MAEL: variants seen among roughly 807,000 people sequenced by gnomAD.
MAEL encodes the protein protein maelstrom homolog.
In MAEL, 46 loss-of-function variants were observed where a neutral mutation model predicts 62.0. That is an observed-to-expected ratio of 0.74 (90% CI 0.59 to 0.95). The LOEUF (loss-of-function observed/expected upper bound fraction) is 0.95, where lower values mean the gene tolerates loss of function less well. Ranked by LOEUF, MAEL falls within the 40% of genes least tolerant of loss-of-function variation. The pLI is 0.00. For missense variants in MAEL, 497 were observed against 526.8 expected, an observed-to-expected ratio of 0.94 and a Z score of 0.55; for synonymous variants, 172 against 175.5, an observed-to-expected ratio of 0.98 and a Z score of 0.16.
intron 1 of MAEL, among the ~76,000 whole-genome samples, chr1:166,982,719 A>G (rs1298865542): frequency 6.6e-6 from 1 of 152,092 alleles, no homozygotes; most frequent in East Asian, 1.9e-4. Context: ...TTAGACAAAA[A>G]TCTAAAGTCC....
chr1:167,008,077 A>C (rs2102107255), intron 8 of MAEL, among the ~76,000 whole-genome samples: 1 of 152,300 alleles, frequency 6.6e-6, no homozygotes, highest in Admixed American at 6.5e-5. Flanking sequence ...CTTCATTAAA[A>C]AAAGCTTGTT....
chr1:166,992,478 T>C (rs985567397), intron 3 of MAEL, among the ~76,000 whole-genome samples: 14 of 152,220 alleles, frequency 9.2e-5, no homozygotes, highest in Non-Finnish European at 1.8e-4. Flanking sequence ...GAGTGGTTAC[T>C]TTAATCCTTG....
At chr1:167,001,108 C>T (rs898921815) in intron 5 of MAEL, among the ~76,000 whole-genome samples, 7 of 152,094 alleles carry the variant, frequency 4.6e-5, no homozygotes, top group African/African-American at 1.2e-4. Context: ...TGATGGCATT[C>T]GCAGCAACCT....
chr1:167,004,156 A>C, intron 5 of MAEL, 24 bp from the exon 6 acceptor site: 1 of 1,594,966 alleles, frequency 6.3e-7, no homozygotes, highest in African/African-American at 1.3e-5. Flanking sequence ...CAAAGTTTGA[A>C]CTTCTCCTTT....
At chr1:166,998,372 G>C (rs1310874525) in intron 5 of MAEL, among the ~76,000 whole-genome samples, 1 of 151,942 alleles carries the variant, frequency 6.6e-6, no homozygotes, top group Non-Finnish European at 1.5e-5. Context: ...GCCTTTTGTT[G>C]CTGTTACAAA....
intron 4 of MAEL, among the ~76,000 whole-genome samples, chr1:166,993,490 G>GT (rs139395338): frequency 6.6e-6 from 1 of 152,238 alleles, no homozygotes; most frequent in Non-Finnish European, 1.5e-5. Context: ...TTCATTTTTA[G>GT]TTTTGTCAAT....
intron 1 of MAEL, among the ~76,000 whole-genome samples, chr1:166,982,423 A>G: frequency 6.6e-6 from 1 of 152,194 alleles, no homozygotes; most frequent in East Asian, 1.9e-4. Flanking sequence ...AAGGGGAGAT[A>G]AGATAACCCT....
At chr1:167,003,918 G>C (rs1664780424) in intron 5 of MAEL, among the ~76,000 whole-genome samples, 1 of 152,104 alleles carries the variant, frequency 6.6e-6, no homozygotes, top group African/African-American at 2.4e-5. Context: ...TGACTCAACT[G>C]TTTACCAATT....
chr1:167,009,511 C>G (rs6696203), intron 8 of MAEL, among the ~76,000 whole-genome samples: 59,255 of 151,274 alleles, frequency 0.39, 12,728 homozygotes, highest in African/African-American at 0.59. Flanking sequence ...GGCTATTTCT[C>G]TGAGTTTATA....
intron 8 of MAEL, among the ~76,000 whole-genome samples, chr1:167,007,947 A>T (rs529556433): frequency 2.0e-5 from 3 of 152,200 alleles, no homozygotes; most frequent in Admixed American, 6.5e-5. Flanking sequence ...TTTGAAATAT[A>T]TTAATAGTTA....
intron 2 of MAEL, 55 bp downstream of exon 2, chr1:166,989,884 A>G: frequency 7.1e-7 from 1 of 1,410,642 alleles, no homozygotes; most frequent in East Asian, 2.3e-5. Flanking sequence ...CATATTCAGT[A>G]AAGGCTGGAT....
At chr1:166,998,827 CT>C (rs1218570543) in intron 5 of MAEL, among the ~76,000 whole-genome samples, 2 of 152,162 alleles carry the variant, frequency 1.3e-5, no homozygotes, top group Non-Finnish European at 2.9e-5. Context: ...TTACTTTTCT[CT>C]GTGTCACATT....
At chr1:166,988,012 A>G (rs10918606), upstream of MAEL, among the ~76,000 whole-genome samples, 39,809 of 152,104 alleles carry the variant, frequency 0.26, 5,586 homozygotes, top group African/African-American at 0.36. Flanking sequence ...GTTTATACTA[A>G]GAATGGTAGG....
In MAEL at chr1:167,017,979, G is replaced by C; in HGVS notation, c.1041+20G>C. The C allele has an allele frequency of 6.2e-7, 1 of 1,611,180 alleles. No individual in the cohort carries two copies. The highest frequency in any genetic ancestry group is 1.1e-5 in the South Asian group (1 of 90,596). ...TACCAGGTAAGGAACTGACTTTTAA[G>C]AGCTGCTGGTCTCTTTAGCTGTTCT... On this transcript the variant is annotated intron_variant, in intron 10 of 11. Coordinates refer to ENST00000367872, the MANE Select transcript of MAEL (RefSeq NM_032858.3).
At chr1:166,982,738 G>A (rs1357996017) in intron 1 of MAEL, among the ~76,000 whole-genome samples, 2 of 151,884 alleles carry the variant, frequency 1.3e-5, no homozygotes, top group African/African-American at 4.8e-5. Context: ...CCTTATGGAG[G>A]CCCTGTAAAT....
At chr1:166,996,589 G>A (rs1004972966) in intron 5 of MAEL, among the ~76,000 whole-genome samples, 3 of 152,138 alleles carry the variant, frequency 2.0e-5, no homozygotes, top group African/African-American at 7.2e-5. Flanking sequence ...TGAAAAAATA[G>A]CACATTTCCA....
chr1:167,011,861 G>A (rs1665183184), intron 8 of MAEL, among the ~76,000 whole-genome samples: 2 of 152,152 alleles, frequency 1.3e-5, no homozygotes, highest in African/African-American at 2.4e-5. Flanking sequence ...AAGAAAATGT[G>A]TTTTATAATT....
At chr1:167,014,365 A>T (rs1251012089) in intron 8 of MAEL, among the ~76,000 whole-genome samples, 1 of 152,198 alleles carries the variant, frequency 6.6e-6, no homozygotes, top group African/African-American at 2.4e-5. Flanking sequence ...TGAGCTTTTG[A>T]TACTTAGCAG....
chr1:167,009,963 G>A (rs1028946861), intron 8 of MAEL, among the ~76,000 whole-genome samples: 2 of 151,868 alleles, frequency 1.3e-5, no homozygotes, highest in South Asian at 4.2e-4. Flanking sequence ...TCTTTTTGAG[G>A]ATATTTAATT....
Sources: allele counts gnomAD v4.1 joint callset (sites outside exome capture counted in the v4.1 genomes callset), GRCh38; gene constraint gnomAD v4.1.1; transcripts MANE v1.5; gene names NCBI Gene and HGNC (gene_info 2026-07-23, HGNC 2026-07-21).